ROBO2: variants seen among roughly 807,000 people sequenced by gnomAD.
The protein encoded by ROBO2 is roundabout guidance receptor 2, also known as roundabout homolog 2.
Under a neutral mutation model 160.8 loss-of-function variants are expected in ROBO2, and 53 were observed. The ratio of observed to expected loss-of-function variants is 0.33; its 90% CI spans 0.26 to 0.41. The LOEUF (loss-of-function observed/expected upper bound fraction) is 0.41. Ranked by LOEUF, ROBO2 falls within the 10% of genes least tolerant of loss-of-function variation. The probability of loss-of-function intolerance (pLI) is 1.00; values close to 1 mark genes in which losing one functional copy is unlikely to be tolerated. For synonymous variants in ROBO2, 664 were observed against 611.7 expected, an observed-to-expected ratio of 1.09 and a Z score of -1.26; for missense variants, 1,577 against 1,722.4, an observed-to-expected ratio of 0.92 and a Z score of 1.49.
intron 2 of ROBO2, among the ~76,000 whole-genome samples, chr3:76,803,380 A>G (rs918146437): frequency 3.4e-5 from 5 of 148,670 alleles, no homozygotes; most frequent in Admixed American, 6.8e-5. Flanking sequence ...GAGGAGGAGG[A>G]TACAGAAAAG....
intron 2 of ROBO2, among the ~76,000 whole-genome samples, chr3:76,564,484 TAAGG>T (rs1490532057): frequency 6.6e-6 from 1 of 152,192 alleles, no homozygotes; most frequent in East Asian, 1.9e-4. Context: ...ATAATTTTAA[TAAGG>T]AAGACAGTCA....
chr3:77,294,815 C>G (rs1213006246), intron 2 of ROBO2, among the ~76,000 whole-genome samples: 2 of 112,870 alleles, frequency 1.8e-5, no homozygotes. Flanking sequence ...TAGATCACCC[C>G]AGACATAAAG....
chr3:76,195,946 G>C (rs530678271), intron 2 of ROBO2, among the ~76,000 whole-genome samples: 13 of 152,234 alleles, frequency 8.5e-5, no homozygotes, highest in South Asian at 6.2e-4. Context: ...TGGACTTCAT[G>C]ATGGGGACCT....
intron 2 of ROBO2, among the ~76,000 whole-genome samples, chr3:76,879,682 C>T (rs2073146078): frequency 6.6e-6 from 1 of 151,872 alleles, no homozygotes; most frequent in Non-Finnish European, 1.5e-5. Flanking sequence ...TATCCAGAGT[C>T]ATTAAACTGA....
At chr3:76,489,608 A>T (rs1176616396) in intron 2 of ROBO2, among the ~76,000 whole-genome samples, 5 of 152,140 alleles carry the variant, frequency 3.3e-5, no homozygotes, top group Non-Finnish European at 4.4e-5. Context: ...TTAAAAAATT[A>T]TTTTATTTAT....
At chr3:76,535,252 G>C (rs1042225856) in intron 2 of ROBO2, among the ~76,000 whole-genome samples, 7 of 152,096 alleles carry the variant, frequency 4.6e-5, no homozygotes, top group Admixed American at 3.9e-4. Context: ...CAAAGGTCTT[G>C]AACTAGCCTG....
chr3:77,614,887 A>G (rs567928525), intron 21 of ROBO2, among the ~76,000 whole-genome samples: 2 of 152,116 alleles, frequency 1.3e-5, no homozygotes, highest in South Asian at 4.2e-4. Flanking sequence ...TCCGTGGCCA[A>G]TTTTCTTCTT....
chr3:76,839,842 T>C (rs1576973934), intron 2 of ROBO2, among the ~76,000 whole-genome samples: 1 of 152,236 alleles, frequency 6.6e-6, no homozygotes, highest in Non-Finnish European at 1.5e-5. Flanking sequence ...TTTGATCTCA[T>C]TACCTGTTAT....
intron 2 of ROBO2, among the ~76,000 whole-genome samples, chr3:76,967,019 C>T (rs145546472): frequency 3.3e-5 from 5 of 152,246 alleles, no homozygotes; most frequent in South Asian, 2.1e-4. Context: ...AAGCATCTAT[C>T]GCAGGCCAGA....
chr3:76,256,402 G>T, intron 2 of ROBO2, among the ~76,000 whole-genome samples: 1 of 143,912 alleles, frequency 6.9e-6, no homozygotes, highest in Admixed American at 7.1e-5. Flanking sequence ...AGTTCTCTAA[G>T]ATTAAATTGT....
intron 2 of ROBO2, among the ~76,000 whole-genome samples, chr3:76,343,334 C>T (rs2074341150): frequency 6.6e-6 from 1 of 151,966 alleles, no homozygotes; most frequent in Non-Finnish European, 1.5e-5. Context: ...CTGATGTCTT[C>T]ATCTGTAGCA....
intron 2 of ROBO2, among the ~76,000 whole-genome samples, chr3:77,455,060 T>C (rs1203616169): frequency 6.6e-6 from 1 of 152,198 alleles, no homozygotes; most frequent in Non-Finnish European, 1.5e-5. Context: ...CACTAGCTTG[T>C]AATTTCAAAA....
intron 2 of ROBO2, among the ~76,000 whole-genome samples, chr3:76,787,600 C>A (rs970429422): frequency 6.6e-6 from 1 of 151,346 alleles, no homozygotes; most frequent in African/African-American, 2.4e-5. Flanking sequence ...TATAAGTTCT[C>A]TATATGTATT....
At chr3:77,573,427 G>A (rs2153669862) in intron 13 of ROBO2, among the ~76,000 whole-genome samples, 1 of 151,854 alleles carries the variant, frequency 6.6e-6, no homozygotes. Context: ...GTTCTATTTG[G>A]TATGAGTTTA....
intron 2 of ROBO2, among the ~76,000 whole-genome samples, chr3:77,226,658 A>T (rs1281850877): frequency 6.6e-6 from 1 of 152,122 alleles, no homozygotes; most frequent in Non-Finnish European, 1.5e-5. Flanking sequence ...GAAATATTGT[A>T]AGTCAAAAAG....
At chr3:76,713,201 G>A (rs1293123987) in intron 2 of ROBO2, among the ~76,000 whole-genome samples, 1 of 152,076 alleles carries the variant, frequency 6.6e-6, no homozygotes, top group African/African-American at 2.4e-5. Flanking sequence ...AAATCTTCCA[G>A]GCAAATTTGA....
chr3:77,311,513 T>C (rs904931022), intron 2 of ROBO2, among the ~76,000 whole-genome samples: 1 of 152,206 alleles, frequency 6.6e-6, no homozygotes, highest in Admixed American at 6.5e-5. Context: ...TTGGTGAGAA[T>C]GTAATTGCTG....
intron 2 of ROBO2, among the ~76,000 whole-genome samples, chr3:76,623,023 C>G (rs1307416150): frequency 2.6e-5 from 4 of 152,218 alleles, no homozygotes; most frequent in Admixed American, 6.5e-5. Flanking sequence ...GTACTATCTA[C>G]TCTCTTCACT....
chr3:76,588,567 A>G (rs905419585), intron 2 of ROBO2, among the ~76,000 whole-genome samples: 8 of 152,226 alleles, frequency 5.3e-5, no homozygotes, highest in African/African-American at 1.9e-4. Flanking sequence ...AATATGGATT[A>G]TTCTGATGAT....
Sources: gnomAD v4.1 joint callset for allele counts (sites outside exome capture counted in the v4.1 genomes callset) on GRCh38, gnomAD v4.1.1 for gene constraint, MANE v1.5 for transcripts, NCBI Gene and HGNC (gene_info 2026-07-23, HGNC 2026-07-21) for gene names.